Variants in ASTN2 observed in about 807,000 individuals in gnomAD.
The protein encoded by ASTN2 is astrotactin 2.
Under a neutral mutation model 139.8 loss-of-function variants are expected in ASTN2, and 54 were observed. That is an observed-to-expected ratio of 0.39 (90% CI 0.31 to 0.48). The LOEUF (loss-of-function observed/expected upper bound fraction) is 0.48, where lower values mean the gene tolerates loss of function less well. ASTN2 is among the 20% of genes least tolerant of loss of function. ASTN2 has a pLI of 0.95. For missense variants in ASTN2, 1,565 were observed against 1,725.1 expected (o/e 0.91, Z 1.64); for synonymous variants, 756 against 719.5 (o/e 1.05, Z -0.81).
chr9:116,503,520 G>A (rs1056315492), intron 19 of ASTN2, among the ~76,000 whole-genome samples: 1 of 152,128 alleles, frequency 6.6e-6, no homozygotes, highest in Non-Finnish European at 1.5e-5. Context: ...TTTAGGCTTG[G>A]AAAATTTAGC....
At chr9:117,284,357 G>A (rs778812118) in intron 2 of ASTN2, among the ~76,000 whole-genome samples, 30 of 152,254 alleles carry the variant, frequency 2.0e-4, no homozygotes, top group Non-Finnish European at 3.5e-4. Flanking sequence ...CACCCATCTC[G>A]GCCTTTCAAA....
At chr9:116,558,791 G>T (rs747545642) in intron 19 of ASTN2, among the ~76,000 whole-genome samples, 42 of 152,172 alleles carry the variant, frequency 2.8e-4, no homozygotes, top group Non-Finnish European at 5.9e-4. Context: ...GCTTGAGTTT[G>T]TCTGAGCCTC....
chr9:117,048,145 G>A (rs565082917), intron 5 of ASTN2, among the ~76,000 whole-genome samples: 35 of 152,256 alleles, frequency 2.3e-4, no homozygotes, highest in African/African-American at 8.4e-4. Flanking sequence ...GCTAGATGTA[G>A]CCTGGGCAGA....
intron 5 of ASTN2, among the ~76,000 whole-genome samples, chr9:117,059,227 G>A (rs1469784837): frequency 6.6e-6 from 1 of 152,140 alleles, no homozygotes; most frequent in African/African-American, 2.4e-5. Context: ...AAAGGGAGAG[G>A]ATAGGTGGTG....
At chr9:117,356,347 C>T (rs1227918962) in intron 1 of ASTN2, among the ~76,000 whole-genome samples, 1 of 152,236 alleles carries the variant, frequency 6.6e-6, no homozygotes, top group Non-Finnish European at 1.5e-5. Context: ...AGATATGCCA[C>T]ATGGGCCATG....
intron 3 of ASTN2, among the ~76,000 whole-genome samples, chr9:117,164,226 C>T (rs1183146084): frequency 1.3e-5 from 2 of 152,006 alleles, no homozygotes; most frequent in Admixed American, 1.3e-4. Context: ...AACTGAGTCC[C>T]AGAAATTGAG....
At chr9:116,637,331 C>A (rs769206233) in intron 17 of ASTN2, among the ~76,000 whole-genome samples, 4 of 152,136 alleles carry the variant, frequency 2.6e-5, no homozygotes. Flanking sequence ...TTTCACTGAG[C>A]TTTTTCTAGT....
chr9:117,325,221 C>A (rs1338550852), intron 1 of ASTN2, among the ~76,000 whole-genome samples: 1 of 152,172 alleles, frequency 6.6e-6, no homozygotes, highest in East Asian at 1.9e-4. Flanking sequence ...TCTGGCCAGT[C>A]CAACACAGAT....
intron 2 of ASTN2, among the ~76,000 whole-genome samples, chr9:117,278,273 G>A (rs1834242338): frequency 6.6e-6 from 1 of 152,212 alleles, no homozygotes; most frequent in South Asian, 2.1e-4. Context: ...AGTCTGGTAA[G>A]TTTTCCAGCC....
At chr9:116,966,122 G>C (rs1488033501) in intron 10 of ASTN2, among the ~76,000 whole-genome samples, 1 of 152,126 alleles carries the variant, frequency 6.6e-6, no homozygotes, top group Admixed American at 6.5e-5. Flanking sequence ...CTAAAGATCT[G>C]TAGACGTGTC....
rs192927653 is a variant in ASTN2 at position 117,102,669 on chromosome 9, T to C, written c.1169-6518A>G. 8.6e-4 allele frequency among the ~76,000 whole-genome samples: 131 copies of C among 152,156 alleles called. 3 individuals carry two copies. In the East Asian group the frequency reaches 0.018, roughly 21 times the overall value. ...TCCTGAGTAGCTGGGATTACAGGTG[T>C]GCATCACCATGCCCAGCTAATTTTG... On this transcript the variant is annotated intron_variant, in intron 4 of 22. Coordinates refer to ENST00000313400, the MANE Select transcript of ASTN2 (RefSeq NM_001365068.1).
chr9:117,102,535 T>C (rs1374078193), intron 4 of ASTN2, among the ~76,000 whole-genome samples: 1 of 152,170 alleles, frequency 6.6e-6, no homozygotes, highest in African/African-American at 2.4e-5. Flanking sequence ...ATTATTATTA[T>C]TATTGAGACA....
intron 19 of ASTN2, among the ~76,000 whole-genome samples, chr9:116,526,786 G>GT (rs558388770): frequency 5.6e-4 from 86 of 152,218 alleles, no homozygotes; most frequent in South Asian, 1.2e-3. Flanking sequence ...CCCGATATCT[G>GT]TATCCTAGAT....
intron 1 of ASTN2, among the ~76,000 whole-genome samples, chr9:117,293,857 T>G (rs1488805274): frequency 6.6e-6 from 1 of 152,220 alleles, no homozygotes; most frequent in Non-Finnish European, 1.5e-5. Flanking sequence ...GAAATAGCAG[T>G]GTCTAATTCA....
At chr9:117,323,389 G>T (rs1249912224) in intron 1 of ASTN2, among the ~76,000 whole-genome samples, 1 of 150,512 alleles carries the variant, frequency 6.6e-6, no homozygotes, top group Non-Finnish European at 1.5e-5. Context: ...GATCCTAACT[G>T]CATTTACCCA....
intron 16 of ASTN2, among the ~76,000 whole-genome samples, chr9:116,679,394 G>A (rs1258316120): frequency 6.6e-6 from 1 of 152,126 alleles, no homozygotes; most frequent in African/African-American, 2.4e-5. Flanking sequence ...AGGAAATGAT[G>A]TTTGGCTTTC....
intron 10 of ASTN2, among the ~76,000 whole-genome samples, chr9:116,890,282 C>T (rs1377271451): frequency 3.3e-5 from 5 of 152,178 alleles, no homozygotes; most frequent in Non-Finnish European, 7.3e-5. Context: ...TTCATCTGGC[C>T]ATTTATAAAT....
At chr9:116,710,428 T>A (rs113260413) in intron 16 of ASTN2, among the ~76,000 whole-genome samples, 2,786 of 151,830 alleles carry the variant, frequency 0.018, 88 homozygotes, top group African/African-American at 0.063. Context: ...AATTTCATAT[T>A]ACGATAAATG....
chr9:117,072,212 C>T (rs73657633), intron 5 of ASTN2, among the ~76,000 whole-genome samples: 89 of 152,172 alleles, frequency 5.8e-4, no homozygotes, highest in African/African-American at 2.0e-3. Context: ...ATTATTCTAT[C>T]GTTTCCAAGA....
Sources: allele counts gnomAD v4.1 joint callset (sites outside exome capture counted in the v4.1 genomes callset), GRCh38; gene constraint gnomAD v4.1.1; transcripts MANE v1.5; gene names NCBI Gene and HGNC (gene_info 2026-07-23, HGNC 2026-07-21).